The following BNC2 variants were observed in gnomAD, a reference collection of about 807,000 sequenced individuals.
BNC2 encodes the protein zinc finger protein basonuclin-2.
In BNC2, 20 loss-of-function variants were observed where a neutral mutation model predicts 76.3. The ratio of observed to expected loss-of-function variants is 0.26; its 90% CI spans 0.18 to 0.38. The LOEUF is 0.38. Ranked by LOEUF, BNC2 falls within the 10% of genes least tolerant of loss-of-function variation. BNC2 has a pLI of 1.00. For synonymous variants in BNC2, 582 were observed against 514.8 expected (o/e 1.13, Z -1.77); for missense variants, 1,382 against 1,399.8 (o/e 0.99, Z 0.20).
chr9:16,663,752 TA>T (rs1244517846), intron 3 of BNC2, among the ~76,000 whole-genome samples: 1 of 152,166 alleles, frequency 6.6e-6, no homozygotes, highest in East Asian at 1.9e-4. Context: ...AACAAAATTT[TA>T]AAGAGTCAGG....
At chr9:16,519,960 T>C (rs1817564139) in intron 5 of BNC2, among the ~76,000 whole-genome samples, 1 of 152,190 alleles carries the variant, frequency 6.6e-6, no homozygotes, top group Non-Finnish European at 1.5e-5. Flanking sequence ...CCATAGTTCC[T>C]GGGACCAAAC....
Position 16,681,023 on chromosome 9 carries a change from C to T in BNC2, c.330+46774G>A, listed in dbSNP as rs76655031. Among the ~76,000 whole-genome samples, 1,342 of 152,266 alleles carry T rather than the reference C, an allele frequency of 8.8e-3. 12 individuals carry two copies. The highest frequency in any genetic ancestry group is 0.013 in the Non-Finnish European group (917 of 68,038). ...CTACTGAATTTTACCAGACACTCCA[C>T]ACTTAATATTTTGACAGCTGTTGAT... On this transcript the variant is annotated intron_variant, in intron 3 of 6. Transcript: ENST00000380672.
chr9:16,750,997 C>T (rs958206915), intron 1 of BNC2, among the ~76,000 whole-genome samples: 1 of 152,142 alleles, frequency 6.6e-6, no homozygotes, highest in Non-Finnish European at 1.5e-5. Context: ...TGTCTTTTTT[C>T]TCTGGCCCAC....
At chr9:16,658,302 T>C (rs1821991241) in intron 3 of BNC2, among the ~76,000 whole-genome samples, 1 of 152,054 alleles carries the variant, frequency 6.6e-6, no homozygotes, top group Non-Finnish European at 1.5e-5. Context: ...GCTGGAGAAT[T>C]TGGAGTCAGG....
chr9:16,483,260 G>C (rs1587081455), intron 5 of BNC2, among the ~76,000 whole-genome samples: 1 of 152,166 alleles, frequency 6.6e-6, no homozygotes, highest in East Asian at 1.9e-4. Context: ...GAAACCAAGA[G>C]GCTTCTGTCC....
At position 16,436,850 on chromosome 9, in the gene BNC2, C is replaced by G; in HGVS notation, c.1344G>C (p.Lys448Asn). Residue 448 changes from lysine to asparagine, a missense_variant, in exon 6 of 7, where the codon AAG (lysine) becomes AAC (asparagine). Around this residue, in one of 3 missense-constraint regions of BNC2, gnomAD observed 27 missense variants for 83.4 expected, o/e 0.32. Transcript: ENST00000380672. The stretch of plus-strand genomic sequence containing the variant: ...TGAGAGTACCTTTGTCATAGAATGT[C>G]TTCCCACATGCATTACAGAACACTC... The part of the protein sequence containing the change: ...KGRVFCNACG[K>N]TFYDKGTLKI... The G allele has an allele frequency of 6.2e-7, 1 of 1,614,122 alleles. No homozygotes were observed. Among genetic ancestry groups the G allele is most frequent in the Non-Finnish European group, 8.5e-7 (1 of 1,180,016 alleles).
Position 16,629,871 on chromosome 9 carries a change from T to C in BNC2, c.331-46786A>G, listed in dbSNP as rs565390940. ...TTGCCTAGATGTTGATGGCTGCTGA[T>C]TGATCAGGGTGGTGGTTGATGAAGA... On this transcript the variant is annotated intron_variant, in intron 3 of 6. Coordinates refer to ENST00000380672, the MANE Select transcript of BNC2 (RefSeq NM_017637.6). 3.9e-5 allele frequency among the ~76,000 whole-genome samples: 6 copies of C among 152,292 alleles called. No homozygotes were observed. The South Asian group carries it at 1.2e-3, about 32-fold the overall frequency.
intron 1 of BNC2, among the ~76,000 whole-genome samples, chr9:16,799,970 A>C (rs1354456634): frequency 6.6e-6 from 1 of 152,112 alleles, no homozygotes; most frequent in Non-Finnish European, 1.5e-5. Flanking sequence ...CATGCCTGTA[A>C]TCCCAGCACT....
At chr9:16,568,369 C>A (rs1167749594) in intron 4 of BNC2, among the ~76,000 whole-genome samples, 3 of 152,100 alleles carry the variant, frequency 2.0e-5, no homozygotes, top group Non-Finnish European at 4.4e-5. Flanking sequence ...TTTTACCACT[C>A]CTATCTCAAA....
intron 3 of BNC2, among the ~76,000 whole-genome samples, chr9:16,596,344 G>C (rs1435418812): frequency 1.3e-5 from 2 of 151,872 alleles, no homozygotes; most frequent in Non-Finnish European, 2.9e-5. Context: ...TTTTCCTATA[G>C]GTACGTGAAT....
At chr9:16,425,597 T>C (rs745472997) in intron 6 of BNC2, among the ~76,000 whole-genome samples, 1 of 152,198 alleles carries the variant, frequency 6.6e-6, no homozygotes, top group Admixed American at 6.5e-5. Flanking sequence ...ATCACCAAAT[T>C]TGTTTACTAA....
At chr9:16,448,445 C>T (rs747028539) in intron 5 of BNC2, among the ~76,000 whole-genome samples, 14 of 152,140 alleles carry the variant, frequency 9.2e-5, no homozygotes, top group Non-Finnish European at 1.8e-4. Context: ...GTTCCATCTG[C>T]ACAATCAAGA....
chr9:16,419,670 GGGGGGTACGTGGATGGGGGGT>G, intron 6 of BNC2, 21 bp from the exon 7 acceptor site: 1 of 669,360 alleles, frequency 1.5e-6, no homozygotes, highest in Non-Finnish European at 2.5e-6. Context: ...AAGAGGGAAG[GGGGGGTACGTGGATGGGGGGT>G]GGGGAAAGGT....
At chr9:16,600,557 A>C (rs946215203) in intron 3 of BNC2, among the ~76,000 whole-genome samples, 7 of 152,172 alleles carry the variant, frequency 4.6e-5, no homozygotes, top group African/African-American at 1.7e-4. Flanking sequence ...CAGATTTTAA[A>C]GTTAAGGTAT....
At chr9:16,675,196 T>C (rs780261611) in intron 3 of BNC2, among the ~76,000 whole-genome samples, 1 of 152,166 alleles carries the variant, frequency 6.6e-6, no homozygotes, top group African/African-American at 2.4e-5. Flanking sequence ...CTAACTGATA[T>C]TTACATCCTT....
chr9:16,489,398 T>C (rs533766731), intron 5 of BNC2, among the ~76,000 whole-genome samples: 10 of 152,350 alleles, frequency 6.6e-5, no homozygotes, highest in African/African-American at 2.4e-4. Flanking sequence ...TTATCTAATT[T>C]ACCTTTCATT....
intron 1 of BNC2, among the ~76,000 whole-genome samples, chr9:16,826,131 C>T (rs7031107): frequency 0.013 from 1,942 of 152,208 alleles, 43 homozygotes; most frequent in African/African-American, 0.044. Context: ...TTACTTACCA[C>T]CATGCACAGC....
At chr9:16,746,980 T>C (rs1825028450) in intron 1 of BNC2, among the ~76,000 whole-genome samples, 1 of 148,552 alleles carries the variant, frequency 6.7e-6, no homozygotes, top group Non-Finnish European at 1.5e-5. Context: ...AAAAAATTAA[T>C]CCATGTAATT....
At chr9:16,518,650 G>T (rs1457354634) in intron 5 of BNC2, among the ~76,000 whole-genome samples, 1 of 151,932 alleles carries the variant, frequency 6.6e-6, no homozygotes, top group African/African-American at 2.4e-5. Flanking sequence ...AGTCTTGCTG[G>T]AGTGCAGTAG....
Sources: allele counts gnomAD v4.1 joint callset (sites outside exome capture counted in the v4.1 genomes callset), GRCh38; gene constraint gnomAD v4.1.1; regional missense constraint gnomAD v4.1.1; transcripts MANE v1.5; gene names NCBI Gene and HGNC (gene_info 2026-07-23, HGNC 2026-07-21).